The following GALNT17 variants were observed in gnomAD, a reference collection of about 807,000 sequenced individuals.
The protein encoded by GALNT17 is polypeptide N-acetylgalactosaminyltransferase 17, also known as UDP-GalNAc:polypeptide N-acetylgalactosaminyltransferase-like 3.
GALNT17 carries 29 observed loss-of-function variants against 63.7 expected under a neutral mutation model. The ratio of observed to expected loss-of-function variants is 0.46; its 90% CI spans 0.34 to 0.62. The LOEUF is 0.62. GALNT17 is among the 20% of genes least tolerant of loss of function. GALNT17 has a pLI of 0.01. For synonymous variants in GALNT17, 305 were observed against 318.3 expected (o/e 0.96, Z 0.45); for missense variants, 603 against 799.6 (o/e 0.75, Z 2.97).
chr7:71,711,289 T>TCCCCCAC (rs1254583445), intron 10 of GALNT17, among the ~76,000 whole-genome samples: 1 of 127,484 alleles, frequency 7.8e-6, no homozygotes, highest in Non-Finnish European at 1.7e-5. Context: ...CCTGACCCCA[T>TCCCCCAC]CCCCCACCCC....
intron 1 of GALNT17, among the ~76,000 whole-genome samples, chr7:71,295,726 G>A (rs1322629188): frequency 3.9e-5 from 6 of 151,942 alleles, no homozygotes. Context: ...AGCCTCCCGA[G>A]TAGCTGGAAC....
chr7:71,703,289 TACA>T (rs1264096634), intron 9 of GALNT17, among the ~76,000 whole-genome samples: 2 of 152,194 alleles, frequency 1.3e-5, no homozygotes, highest in Non-Finnish European at 2.9e-5. Flanking sequence ...CTTTTGGCTG[TACA>T]ACATCTGCTC....
At chr7:71,238,722 G>C (rs1052046811) in intron 1 of GALNT17, among the ~76,000 whole-genome samples, 2 of 152,214 alleles carry the variant, frequency 1.3e-5, no homozygotes, top group African/African-American at 4.8e-5. Context: ...TCAGCAGCCT[G>C]TCTGGTGGCC....
chr7:71,153,181 C>T (rs569354272), intron 1 of GALNT17, among the ~76,000 whole-genome samples: 1 of 152,246 alleles, frequency 6.6e-6, no homozygotes, highest in South Asian at 2.1e-4. Flanking sequence ...CAAGCCAAAG[C>T]TGGGGCTTTG....
chr7:71,621,796 G>T (rs1051702664), intron 6 of GALNT17, among the ~76,000 whole-genome samples: 14 of 152,144 alleles, frequency 9.2e-5, no homozygotes, highest in Non-Finnish European at 1.2e-4. Context: ...TCATCGAAGG[G>T]TTCCCTTGGC....
intron 1 of GALNT17, among the ~76,000 whole-genome samples, chr7:71,258,426 A>G (rs886595621): frequency 6.6e-6 from 1 of 152,196 alleles, no homozygotes; most frequent in African/African-American, 2.4e-5. Context: ...AGCCTTGATA[A>G]TGCAGGTTAC....
chr7:71,433,572 T>C (rs1045648358), intron 5 of GALNT17, among the ~76,000 whole-genome samples: 1 of 152,234 alleles, frequency 6.6e-6, no homozygotes, highest in Non-Finnish European at 1.5e-5. Flanking sequence ...TTCAACAAGA[T>C]GAAGACAGAT....
intron 1 of GALNT17, among the ~76,000 whole-genome samples, chr7:71,165,614 A>G (rs1404983869): frequency 6.6e-6 from 1 of 152,238 alleles, no homozygotes; most frequent in African/African-American, 2.4e-5. Flanking sequence ...CTCATGGGAC[A>G]CATGGGAATT....
At chr7:71,642,476 A>G (rs1251737924) in intron 6 of GALNT17, among the ~76,000 whole-genome samples, 1 of 152,156 alleles carries the variant, frequency 6.6e-6, no homozygotes, top group Non-Finnish European at 1.5e-5. Flanking sequence ...AGATTCATGG[A>G]CAACCAACTC....
intron 2 of GALNT17, among the ~76,000 whole-genome samples, chr7:71,383,463 G>A (rs1400323310): frequency 6.6e-6 from 1 of 152,084 alleles, no homozygotes; most frequent in Non-Finnish European, 1.5e-5. Flanking sequence ...TATTGAGACT[G>A]AGTCTTGCTC....
chr7:71,659,876 C>T (rs1038729136), intron 6 of GALNT17, among the ~76,000 whole-genome samples: 1 of 152,194 alleles, frequency 6.6e-6, no homozygotes, highest in Non-Finnish European at 1.5e-5. Context: ...TCAGCCTAGC[C>T]CTTCAGACTT....
intron 4 of GALNT17, among the ~76,000 whole-genome samples, chr7:71,418,829 G>A (rs1428811467): frequency 6.6e-6 from 1 of 152,218 alleles, no homozygotes; most frequent in South Asian, 2.1e-4. Context: ...GGGACCAGGC[G>A]TGGTGGCTTA....
At chr7:71,609,458 T>C (rs2116949638) in intron 6 of GALNT17, among the ~76,000 whole-genome samples, 1 of 152,210 alleles carries the variant, frequency 6.6e-6, no homozygotes, top group East Asian at 1.9e-4. Context: ...GTAGACATTG[T>C]TGTTCCACCA....
chr7:71,152,495 C>T (rs1788153438), intron 1 of GALNT17, among the ~76,000 whole-genome samples: 1 of 152,166 alleles, frequency 6.6e-6, no homozygotes, highest in Non-Finnish European at 1.5e-5. Flanking sequence ...TCTGTAGTCC[C>T]TCTCCCCTAG....
intron 6 of GALNT17, among the ~76,000 whole-genome samples, chr7:71,650,417 TTTTTGTA>T (rs1273478931): frequency 6.6e-6 from 1 of 152,180 alleles, no homozygotes; most frequent in Non-Finnish European, 1.5e-5. Flanking sequence ...ACCCAGTTAA[TTTTTGTA>T]TTTTAGTAGA....
chr7:71,361,501 T>C (rs760258948), intron 2 of GALNT17, among the ~76,000 whole-genome samples: 12 of 152,258 alleles, frequency 7.9e-5, no homozygotes, highest in Non-Finnish European at 1.8e-4. Context: ...GTTCAACAAA[T>C]ACCTATTGTA....
chr7:71,271,953 C>G (rs1016559614), intron 1 of GALNT17, among the ~76,000 whole-genome samples: 1 of 152,100 alleles, frequency 6.6e-6, no homozygotes, highest in Non-Finnish European at 1.5e-5. Flanking sequence ...GAGATGGGGT[C>G]TCCCTATGTT....
At position 71,571,422 on chromosome 7, in the gene GALNT17, T is replaced by G; in HGVS notation, c.1080+20T>G. 1 of 1,597,204 alleles carries G rather than the reference T, an allele frequency of 6.3e-7. No individual in the cohort carries two copies. Among genetic ancestry groups the G allele is most frequent in the African/African-American group, 1.3e-5 (1 of 74,674 alleles). On this transcript the variant is annotated intron_variant, in intron 6 of 10. Transcript: ENST00000333538. ...ATCAAGGTTTGTGACATGGTGTCCC[T>G]TCCTCTTGGTGTGCCCATGTTTGTG... is the stretch of plus-strand genomic sequence containing the variant.
chr7:71,189,046 G>A (rs1389031880), intron 1 of GALNT17, among the ~76,000 whole-genome samples: 2 of 152,154 alleles, frequency 1.3e-5, no homozygotes, highest in African/African-American at 4.8e-5. Flanking sequence ...TTTATGGTTA[G>A]GCTGTGTTCC....
Sources: gnomAD v4.1 joint callset for allele counts (sites outside exome capture counted in the v4.1 genomes callset) on GRCh38, gnomAD v4.1.1 for gene constraint, MANE v1.5 for transcripts, NCBI Gene and HGNC (gene_info 2026-07-23, HGNC 2026-07-21) for gene names.